Variants in ARHGEF38 observed in about 807,000 individuals in gnomAD.
The protein encoded by ARHGEF38 is Rho guanine nucleotide exchange factor (GEF) 38.
ARHGEF38 carries 79 observed loss-of-function variants against 79.9 expected under a neutral mutation model. That is an observed-to-expected ratio of 0.99 (90% CI 0.82 to 1.19). The LOEUF is 1.19. Among genes scored for constraint, ARHGEF38 ranks in the 50% most tolerant of loss-of-function variants. The pLI is 0.00. For missense variants in ARHGEF38, 962 were observed against 907.2 expected (o/e 1.06, Z -0.78); for synonymous variants, 366 against 328.3 (o/e 1.11, Z -1.24).
At chr4:105,616,928 C>A (rs1314473444) in intron 3 of ARHGEF38, among the ~76,000 whole-genome samples, 3 of 152,164 alleles carry the variant, frequency 2.0e-5, no homozygotes, top group Non-Finnish European at 2.9e-5. Context: ...TTAGGTCAGA[C>A]AACAGTTTTC....
intron 1 of ARHGEF38, among the ~76,000 whole-genome samples, chr4:105,573,404 A>T (rs1446534375): frequency 2.0e-5 from 3 of 152,170 alleles, no homozygotes; most frequent in Non-Finnish European, 2.9e-5. Context: ...TAAATTTTGT[A>T]TGTGGTGTTA....
chr4:105,613,503 A>T lies in ARHGEF38; in HGVS notation c.504A>T (p.Val168=). ...ATTDVEPAMQ[V]IGEVFLQIKG... is the part of the protein sequence containing the mutation. ...CAGACGTGGAACCGGCCATGCAAGT[A>T]ATTGGTATGTTTATTCTCTTCTCGA... Residue 168 remains valine (V), a synonymous_variant, in exon 3 of 14, where the codon GTA becomes GTT. Transcript: ENST00000420470. 1 of 1,612,676 alleles carries T rather than the reference A, an allele frequency of 6.2e-7. No homozygotes were observed. The highest frequency in any genetic ancestry group is 8.5e-7 in the Non-Finnish European group (1 of 1,179,106).
Position 105,589,360 on chromosome 4 carries a change from A to G in ARHGEF38, c.309A>G (p.Ile103Met), listed in dbSNP as rs894607782. 6 of 1,614,154 alleles carry G rather than the reference A, an allele frequency of 3.7e-6. No individual in the cohort carries two copies. The highest frequency in any genetic ancestry group is 4.2e-6 in the Non-Finnish European group (5 of 1,179,992). Residue 103 changes from isoleucine to methionine, a missense_variant, in exon 2 of 14, where the codon ATA becomes ATG. Coordinates refer to ENST00000420470, the MANE Select transcript of ARHGEF38 (RefSeq NM_001242729.2). ...AKREKIIKEL[I>M]QTEKDYLNDL... The stretch of plus-strand genomic sequence containing the variant: ...GGGAAAAGATCATTAAGGAGCTGAT[A>G]CAGACAGAAAAGGATTATCTCAATG...
At chr4:105,656,180 G>A (rs376478183) in intron 9 of ARHGEF38, among the ~76,000 whole-genome samples, 2 of 151,900 alleles carry the variant, frequency 1.3e-5, no homozygotes, top group Admixed American at 6.6e-5. Flanking sequence ...TCAGCCTCTC[G>A]AGTAGCTGGA....
At chr4:105,614,263 T>C (rs1728425855) in intron 3 of ARHGEF38, among the ~76,000 whole-genome samples, 1 of 152,156 alleles carries the variant, frequency 6.6e-6, no homozygotes, top group East Asian at 1.9e-4. Context: ...TATTTCACAC[T>C]TAATATACAA....
At chr4:105,565,455 T>G (rs7662993) in intron 1 of ARHGEF38, among the ~76,000 whole-genome samples, 217 of 152,078 alleles carry the variant, frequency 1.4e-3, no homozygotes, top group African/African-American at 4.8e-3. Context: ...TTTTTTTGGG[T>G]TTATTGGGGC....
chr4:105,582,722 A>G (rs1188068101), intron 1 of ARHGEF38, among the ~76,000 whole-genome samples: 1 of 152,146 alleles, frequency 6.6e-6, no homozygotes. Flanking sequence ...CTAACAGTCT[A>G]TCAGTTACTG....
intron 13 of ARHGEF38, among the ~76,000 whole-genome samples, chr4:105,675,367 A>G (rs1245916779): frequency 6.6e-6 from 1 of 152,198 alleles, no homozygotes; most frequent in East Asian, 1.9e-4. Context: ...GCGCTCTGTA[A>G]AAGGTGTTTA....
chr4:105,586,566 T>C (rs1727059321), intron 1 of ARHGEF38, among the ~76,000 whole-genome samples: 1 of 152,178 alleles, frequency 6.6e-6, no homozygotes, highest in African/African-American at 2.4e-5. Context: ...AAGTTAACAT[T>C]GTGATTGAGT....
Position 105,679,405 on chromosome 4 carries a change from GCTTT to G in ARHGEF38, c.*1471_*1474del. 1.3e-6 allele frequency: 2 copies of G among 1,527,410 alleles called. No individual in the cohort carries two copies. The highest frequency in any genetic ancestry group is 1.8e-6 in the Non-Finnish European group (2 of 1,103,732). 94.6% of individuals were successfully genotyped at this position (1,527,410 alleles called of 1,614,324 possible). ...ATCTGAGACACTGCATTACTATTCA[GCTTT>G]CTAAGTTCTTTCCAAGCACAGCTGA... On this transcript the variant is annotated 3_prime_UTR_variant, in exon 14 of 14. Transcript: ENST00000420470.
In ARHGEF38 at chr4:105,582,391, G is replaced by A. The variant is rs372969941; in HGVS notation, c.197-6857G>A. ...ATGAATTTAAGCCTATAAATTTTCT[G>A]TAAGCAGTGCTTTACCTACATTCCA... is the stretch of plus-strand genomic sequence containing the variant. On this transcript the variant is annotated intron_variant, in intron 1 of 13. Transcript: ENST00000420470. Among the ~76,000 whole-genome samples the A allele has an allele frequency of 2.4e-4, 35 of 148,762 alleles. No homozygotes were observed. The South Asian group carries it at 7.0e-3, about 30-fold the overall frequency.
chr4:105,664,224 T>C (rs1365997441), intron 10 of ARHGEF38, among the ~76,000 whole-genome samples: 2 of 152,224 alleles, frequency 1.3e-5, no homozygotes, highest in African/African-American at 4.8e-5. Context: ...CTATTTTTAA[T>C]TTTCATTTTT....
intron 7 of ARHGEF38, among the ~76,000 whole-genome samples, chr4:105,650,204 T>A (rs183332314): frequency 1.1e-3 from 174 of 152,356 alleles, no homozygotes; most frequent in African/African-American, 3.8e-3. Flanking sequence ...GGTGTATTAA[T>A]CGTATTTTTT....
chr4:105,680,052 T>C lies in ARHGEF38; in HGVS notation c.*2115T>C, dbSNP rs757310300. 1 of 824,994 alleles carries C rather than the reference T, an allele frequency of 1.2e-6. No individual in the cohort carries two copies. Among genetic ancestry groups the C allele is most frequent in the Non-Finnish European group, 2.1e-6 (1 of 466,440 alleles). 51.1% of individuals were successfully genotyped at this position (824,994 alleles called of 1,614,324 possible). A position where few individuals can be genotyped will look rare whatever the true frequency, so the allele number is the denominator to read the frequency against. ...ACATTCTTCTTCGTCTCACAGAAAA[T>C]AATAGCCCTCCCTTCAGATCCACTG... On this transcript the variant is annotated 3_prime_UTR_variant, in exon 14 of 14. Coordinates refer to ENST00000420470, the MANE Select transcript of ARHGEF38 (RefSeq NM_001242729.2).
intron 2 of ARHGEF38, among the ~76,000 whole-genome samples, chr4:105,612,101 C>A (rs1389311704): frequency 2.6e-5 from 4 of 152,012 alleles, no homozygotes; most frequent in African/African-American, 9.7e-5. Flanking sequence ...TATTGGTATC[C>A]AATATGGAGA....
intron 5 of ARHGEF38, among the ~76,000 whole-genome samples, chr4:105,643,184 G>C (rs893156626): frequency 4.0e-5 from 6 of 150,294 alleles, no homozygotes; most frequent in African/African-American, 7.4e-5. Context: ...ATTTATAATA[G>C]ATTTATTTTT....
chr4:105,667,401 T>C (rs752225326), intron 12 of ARHGEF38, 43 bp from the exon 13 acceptor site: 3 of 1,534,464 alleles, frequency 2.0e-6, no homozygotes, highest in South Asian at 1.2e-5. Flanking sequence ...GGGAAGAGTA[T>C]ACCCATGAAC....
chr4:105,666,778 T>G (rs1028520357), intron 11 of ARHGEF38, among the ~76,000 whole-genome samples: 1 of 152,192 alleles, frequency 6.6e-6, no homozygotes, highest in Admixed American at 6.5e-5. Context: ...GACATGTACA[T>G]GTACAATTTA....
chr4:105,648,037 G>A (rs546473812), intron 6 of ARHGEF38, among the ~76,000 whole-genome samples: 14 of 151,784 alleles, frequency 9.2e-5, no homozygotes, highest in African/African-American at 2.7e-4. Context: ...CTACAGGCAC[G>A]CACCACCATG....
Sources: gnomAD v4.1 joint callset for allele counts (sites outside exome capture counted in the v4.1 genomes callset) on GRCh38, gnomAD v4.1.1 for gene constraint, MANE v1.5 for transcripts, NCBI Gene and HGNC (gene_info 2026-07-23, HGNC 2026-07-21) for gene names.